Variants in BCAS1 observed in about 807,000 individuals in gnomAD.
BCAS1 encodes brain enriched myelin associated protein 1.
Under a neutral mutation model 65.4 loss-of-function variants are expected in BCAS1, and 46 were observed. The observed-to-expected ratio is 0.70, with a 90% CI of 0.55 to 0.90. BCAS1 has a LOEUF of 0.90. Ranked by LOEUF, BCAS1 falls within the 40% of genes least tolerant of loss-of-function variation. The pLI, the probability that BCAS1 is intolerant of heterozygous loss-of-function variation, is 0.00. For missense variants in BCAS1, 793 were observed against 771.2 expected, an observed-to-expected ratio of 1.03 and a Z score of -0.33; for synonymous variants, 298 against 293.5, an observed-to-expected ratio of 1.02 and a Z score of -0.16.
At chr20:53,965,218 C>A (rs1455920500) in intron 10 of BCAS1, among the ~76,000 whole-genome samples, 1 of 152,184 alleles carries the variant, frequency 6.6e-6, no homozygotes, top group Non-Finnish European at 1.5e-5. Context: ...GAAAATGATT[C>A]CTGTCAACAA....
rs189800381 is a variant in BCAS1, at chr20:54,044,749, A to G, written c.142+13336T>C. ...GCTACTAGGGAGGCTGAGGCATGAC[A>G]ATCGCTTGAACCCAGGAGGCGGAGG... On this transcript the variant is annotated intron_variant, in intron 3 of 12. Coordinates refer to ENST00000688948, the MANE Select transcript of BCAS1 (RefSeq NM_001366298.2). 2.0e-5 allele frequency among the ~76,000 whole-genome samples: 3 copies of G among 151,454 alleles called. No individual in the cohort carries two copies. In the East Asian group the frequency reaches 5.8e-4, roughly 30 times the overall value.
At chr20:53,967,164 TC>T in intron 9 of BCAS1, 91 bp from the exon 10 acceptor site, 1 of 1,322,514 alleles carries the variant, frequency 7.6e-7, no homozygotes, top group Non-Finnish European at 1.1e-6. Flanking sequence ...TGCCCCCCTG[TC>T]CACATAGTAG....
rs1345473049 is a variant in BCAS1, at chr20:54,058,104, T to C, written c.123A>G (p.Thr41=). ...NGVPVVVSTH[T]VQHLEEVDLG... is the part of the protein sequence containing the mutation. ...ACTGACCTTCCTCTAAGTGCTGAAC[T>C]GTGTGGGTCGACACCACCACTGGAA... The change falls in exon 3 of 13, where the codon ACA becomes ACG. Residue 41 remains threonine, a synonymous_variant. Transcript: ENST00000688948. 1 of 1,613,696 alleles carries C rather than the reference T, an allele frequency of 6.2e-7. No individual in the cohort carries two copies. The highest frequency in any genetic ancestry group is 1.3e-5 in the African/African-American group (1 of 74,840).
intron 4 of BCAS1, among the ~76,000 whole-genome samples, chr20:54,013,461 A>T (rs1188950251): frequency 6.6e-6 from 1 of 152,258 alleles, no homozygotes; most frequent in African/African-American, 2.4e-5. Flanking sequence ...GCTTGTGTGA[A>T]GAAGGCAATC....
intron 1 of BCAS1, among the ~76,000 whole-genome samples, chr20:54,059,202 C>A (rs955049708): frequency 6.6e-6 from 1 of 152,172 alleles, no homozygotes; most frequent in Non-Finnish European, 1.5e-5. Flanking sequence ...GAGACACAAC[C>A]AAACTATATC....
chr20:54,055,837 C>G (rs61484939), intron 3 of BCAS1, among the ~76,000 whole-genome samples: 3,872 of 152,176 alleles, frequency 0.025, 173 homozygotes, highest in African/African-American at 0.089. Context: ...TACACACACA[C>G]AACAGAATAG....
At chr20:54,066,931 A>G (rs1191229802) in intron 1 of BCAS1, among the ~76,000 whole-genome samples, 1 of 152,208 alleles carries the variant, frequency 6.6e-6, no homozygotes, top group Non-Finnish European at 1.5e-5. Context: ...CATACTTTCT[A>G]CTGTCTCTTC....
intron 4 of BCAS1, among the ~76,000 whole-genome samples, chr20:54,009,758 G>T (rs571991520): frequency 6.6e-6 from 1 of 152,216 alleles, no homozygotes; most frequent in Non-Finnish European, 1.5e-5. Flanking sequence ...AACAGATAAA[G>T]ATGGCACCAA....
intron 4 of BCAS1, among the ~76,000 whole-genome samples, chr20:54,009,901 T>C (rs1045651200): frequency 1.1e-4 from 17 of 152,162 alleles, no homozygotes; most frequent in Admixed American, 2.0e-4. Flanking sequence ...GGATTTACTA[T>C]AGGTTTGCAA....
At chr20:53,961,973 G>A (rs145952870) in intron 10 of BCAS1, among the ~76,000 whole-genome samples, 9 of 151,690 alleles carry the variant, frequency 5.9e-5, no homozygotes, top group African/African-American at 1.7e-4. Flanking sequence ...ATAAATAAAC[G>A]GTAGCTCTCA....
In BCAS1 at chr20:53,963,484, GAA is replaced by G. The variant is rs11484330; in HGVS notation, c.1485+3420_1485+3421del. Among the ~76,000 whole-genome samples, 375 of 141,818 alleles carry G rather than the reference GAA, an allele frequency of 2.6e-3. 2 individuals carry two copies. Among genetic ancestry groups the G allele is most frequent in the African/African-American group, 9.5e-3 (368 of 38,742 alleles). The allele number at this position is 141,818 out of a possible 152,430, so 93.0% of individuals were successfully genotyped here. On this transcript the variant is annotated intron_variant, in intron 10 of 12. Transcript: ENST00000688948. The stretch of plus-strand genomic sequence containing the variant: ...GGACAAAGCGAGACTGTCTCAAAAA[GAA>G]AAAAAAAAGAAAAAGGAGGGAAATG...
At chr20:54,049,757 A>G (rs1029401404) in intron 3 of BCAS1, among the ~76,000 whole-genome samples, 1 of 152,146 alleles carries the variant, frequency 6.6e-6, no homozygotes. Flanking sequence ...CAGCACTTTT[A>G]TCTTGTGCCA....
intron 11 of BCAS1, 123 bp from the exon 12 acceptor site, chr20:53,953,818 C>T: frequency 1.7e-6 from 2 of 1,173,070 alleles, no homozygotes; most frequent in Non-Finnish European, 2.4e-6. Context: ...TTCATGAATC[C>T]TAGGTGAAAT....
At chr20:54,065,063 A>G (rs1246347129) in intron 1 of BCAS1, among the ~76,000 whole-genome samples, 1 of 152,140 alleles carries the variant, frequency 6.6e-6, no homozygotes, top group African/African-American at 2.4e-5. Context: ...AACTCAACTC[A>G]TGATGGTTCG....
chr20:54,061,890 C>A (rs569407650), intron 1 of BCAS1, among the ~76,000 whole-genome samples: 7 of 152,208 alleles, frequency 4.6e-5, no homozygotes, highest in African/African-American at 1.7e-4. Flanking sequence ...CAAAGAACAG[C>A]GGTGGCTGGA....
intron 3 of BCAS1, among the ~76,000 whole-genome samples, chr20:54,032,521 T>C (rs966054842): frequency 6.6e-6 from 1 of 151,086 alleles, no homozygotes; most frequent in African/African-American, 2.4e-5. Context: ...TTAAAAGACA[T>C]AAAGTGGCAG....
rs554032667 is a variant in BCAS1, at chr20:54,014,499, A to G, written c.723+13893T>C. Among the ~76,000 whole-genome samples, 240 of 152,344 alleles carry G rather than the reference A, an allele frequency of 1.6e-3. 1 individual carries two copies. Among genetic ancestry groups the G allele is most frequent in the African/African-American group, 4.7e-3 (197 of 41,572 alleles). On this transcript the variant is annotated intron_variant, in intron 4 of 12. Transcript: ENST00000688948. ...CTCCTTTAAGCAGATCTACATTGTTAAAGTGAAAATATAAGATAAGGCTTA... is the reference window on the plus strand; with the variant it reads ...CTCCTTTAAGCAGATCTACATTGTTGAAGTGAAAATATAAGATAAGGCTTA...
intron 3 of BCAS1, among the ~76,000 whole-genome samples, chr20:54,053,655 G>C (rs1226888005): frequency 6.6e-6 from 1 of 152,226 alleles, no homozygotes; most frequent in Non-Finnish European, 1.5e-5. Flanking sequence ...GCCAGACACT[G>C]TTCTGAGAGT....
chr20:53,963,255 G>A (rs2145598225), intron 10 of BCAS1, among the ~76,000 whole-genome samples: 1 of 151,984 alleles, frequency 6.6e-6, no homozygotes, highest in Non-Finnish European at 1.5e-5. Context: ...TCCGAGGCGG[G>A]TGGATCACCT....
Sources: gnomAD v4.1 joint callset for allele counts (sites outside exome capture counted in the v4.1 genomes callset) on GRCh38, gnomAD v4.1.1 for gene constraint, MANE v1.5 for transcripts, NCBI Gene and HGNC (gene_info 2026-07-23, HGNC 2026-07-21) for gene names.